CNTNAP2: variants seen among roughly 807,000 people sequenced by gnomAD.
CNTNAP2 encodes contactin associated protein 2.
CNTNAP2 carries 98 observed loss-of-function variants against 155.2 expected under a neutral mutation model. The ratio of observed to expected loss-of-function variants is 0.63; its 90% CI spans 0.54 to 0.75. The LOEUF (loss-of-function observed/expected upper bound fraction) is 0.75, where lower values mean the gene tolerates loss of function less well. Ranked by LOEUF, CNTNAP2 falls within the 30% of genes least tolerant of loss-of-function variation. The probability of loss-of-function intolerance (pLI) is 0.00; values close to 1 mark genes in which losing one functional copy is unlikely to be tolerated. For missense variants in CNTNAP2, 1,727 were observed against 1,688.1 expected, an observed-to-expected ratio of 1.02 and a Z score of -0.40; for synonymous variants, 651 against 631.2, an observed-to-expected ratio of 1.03 and a Z score of -0.47.
intron 1 of CNTNAP2, among the ~76,000 whole-genome samples, chr7:146,659,184 G>A (rs114390578): frequency 0.025 from 3,772 of 152,294 alleles, 117 homozygotes; most frequent in African/African-American, 0.068. Context: ...AGAAAAGGGC[G>A]CAGAGAAGAT....
At chr7:148,096,534 CAG>C (rs745347440) in intron 15 of CNTNAP2, among the ~76,000 whole-genome samples, 2 of 151,744 alleles carry the variant, frequency 1.3e-5, no homozygotes, top group African/African-American at 2.4e-5. Context: ...TTTGAAAAAA[CAG>C]GGGTGAATAT....
intron 1 of CNTNAP2, among the ~76,000 whole-genome samples, chr7:146,662,439 G>GTTTGT (rs1197027109): frequency 7.2e-5 from 11 of 151,990 alleles, no homozygotes; most frequent in Admixed American, 2.0e-4. Context: ...ACCCAGCCCA[G>GTTTGT]TTTGTTTTGT....
chr7:146,293,757 C>A (rs142962227), intron 1 of CNTNAP2, among the ~76,000 whole-genome samples: 1,903 of 151,812 alleles, frequency 0.013, 17 homozygotes, highest in Middle Eastern at 0.034. Flanking sequence ...TCTAAATTAT[C>A]TAATTTGAAA....
At chr7:146,693,614 G>A (rs1034575476) in intron 1 of CNTNAP2, among the ~76,000 whole-genome samples, 1 of 152,034 alleles carries the variant, frequency 6.6e-6, no homozygotes, top group African/African-American at 2.4e-5. Flanking sequence ...CCCTCCCTGG[G>A]TTCTGTTTCC....
intron 1 of CNTNAP2, among the ~76,000 whole-genome samples, chr7:146,217,212 A>G (rs1291233730): frequency 3.9e-5 from 6 of 152,208 alleles, no homozygotes; most frequent in Admixed American, 3.9e-4. Context: ...TTAGTTATAG[A>G]ATAAGAACCT....
At chr7:148,223,227 T>G (rs1795784057) in intron 19 of CNTNAP2, among the ~76,000 whole-genome samples, 1 of 152,162 alleles carries the variant, frequency 6.6e-6, no homozygotes, top group Non-Finnish European at 1.5e-5. Flanking sequence ...CCCACCTCCT[T>G]TTGATGACTT....
chr7:146,664,406 C>T (rs1800150801), intron 1 of CNTNAP2, among the ~76,000 whole-genome samples: 2 of 151,978 alleles, frequency 1.3e-5, no homozygotes, highest in East Asian at 3.9e-4. Context: ...AACAATCTGC[C>T]CATCTCAGCC....
rs1266369366 is a variant in CNTNAP2 at position 147,536,259 on chromosome 7, T to G, written c.1778-25879T>G. 2.0e-5 allele frequency among the ~76,000 whole-genome samples: 3 copies of G among 152,262 alleles called. No individual in the cohort carries two copies. The East Asian group carries it at 5.8e-4, about 29-fold the overall frequency. ...TTCAAATATATTTTCATTCATTTAC[T>G]CATTCAACAAATATTTATTGAGCAT... On this transcript the variant is annotated intron_variant, in intron 11 of 23. Coordinates refer to ENST00000361727, the MANE Select transcript of CNTNAP2 (RefSeq NM_014141.6).
At chr7:146,729,218 C>A (rs1563207217) in intron 1 of CNTNAP2, among the ~76,000 whole-genome samples, 1 of 152,182 alleles carries the variant, frequency 6.6e-6, no homozygotes, top group Admixed American at 6.5e-5. Flanking sequence ...TCACCACCTC[C>A]AGGGAGTAGC....
rs78812713 is a variant in CNTNAP2 at position 148,224,286 on chromosome 7, A to G, written c.3248-5360A>G. Among the ~76,000 whole-genome samples, 41 of 151,210 alleles carry G rather than the reference A, an allele frequency of 2.7e-4. 1 individual carries two copies. The East Asian group carries it at 9.0e-3, about 33-fold the overall frequency. ...AAACAACTGCCTGATCATCTCCGTC[A>G]TTCCCAAACAATGGACTATTTTAAT... On this transcript the variant is annotated intron_variant, in intron 19 of 23. Coordinates refer to ENST00000361727, the MANE Select transcript of CNTNAP2 (RefSeq NM_014141.6).
intron 21 of CNTNAP2, among the ~76,000 whole-genome samples, chr7:148,328,394 C>A (rs1304821662): frequency 6.6e-6 from 1 of 152,152 alleles, no homozygotes; most frequent in African/African-American, 2.4e-5. Context: ...AATCTGGTAT[C>A]AATTGATCAT....
At chr7:147,629,408 A>ATAT (rs1423097879) in intron 12 of CNTNAP2, among the ~76,000 whole-genome samples, 1 of 13,712 alleles carries the variant, frequency 7.3e-5, no homozygotes, top group African/African-American at 1.2e-4. Flanking sequence ...TGTCTCAAAA[A>ATAT]TAATAATAAT....
chr7:148,415,574 C>T lies in CNTNAP2; in HGVS notation c.3954C>T (p.Phe1318=). The T allele has an allele frequency of 6.2e-7, 1 of 1,614,224 alleles. No individual in the cohort carries two copies. The highest frequency in any genetic ancestry group is 1.3e-5 in the African/African-American group (1 of 75,052). The change falls in exon 24 of 24, where the codon TTC becomes TTT. Residue 1318 remains phenylalanine, a synonymous_variant. Transcript: ENST00000361727. ...DAAIMNNDPN[F]TETIDESKKE... is the part of the protein sequence containing the mutation. The stretch of plus-strand genomic sequence containing the variant: ...CCATCATGAACAACGACCCCAACTT[C>T]ACAGAGACCATTGATGAAAGCAAAA...
At chr7:147,269,311 A>G (rs958270733) in intron 8 of CNTNAP2, among the ~76,000 whole-genome samples, 1 of 152,166 alleles carries the variant, frequency 6.6e-6, no homozygotes, top group East Asian at 1.9e-4. Context: ...TCTAATTGCA[A>G]AAAACAAAGA....
intron 1 of CNTNAP2, among the ~76,000 whole-genome samples, chr7:146,564,706 A>G (rs1275174942): frequency 6.6e-6 from 1 of 151,640 alleles, no homozygotes; most frequent in African/African-American, 2.4e-5. Flanking sequence ...TGTCCACAAC[A>G]TAAGGAGTAA....
At chr7:146,917,165 C>T (rs113040370) in intron 3 of CNTNAP2, among the ~76,000 whole-genome samples, 4,977 of 152,096 alleles carry the variant, frequency 0.033, 273 homozygotes, top group African/African-American at 0.11. Context: ...AATTTTATTC[C>T]ACTGTGGTCT....
At chr7:146,762,492 G>T (rs1157366732) in intron 1 of CNTNAP2, among the ~76,000 whole-genome samples, 1 of 152,106 alleles carries the variant, frequency 6.6e-6, no homozygotes, top group African/African-American at 2.4e-5. Flanking sequence ...CCAGCTACTT[G>T]GGAGGCTGAG....
At chr7:147,448,354 A>AT (rs1554485972) in intron 10 of CNTNAP2, among the ~76,000 whole-genome samples, 1 of 151,892 alleles carries the variant, frequency 6.6e-6, no homozygotes, top group Non-Finnish European at 1.5e-5. Flanking sequence ...TGTTAGCAGT[A>AT]TTTTTTCCCC....
rs760122387 is a variant in CNTNAP2, at chr7:147,300,281, T to A, written c.1489T>A (p.Phe497Ile). The A allele has an allele frequency of 6.2e-7, 1 of 1,613,748 alleles. No homozygotes were observed. The highest frequency in any genetic ancestry group is 8.5e-7 in the Non-Finnish European group (1 of 1,179,800). Residue 497 changes from phenylalanine (F) to isoleucine (I), a missense_variant, in exon 9 of 24, where the codon TTT (phenylalanine) becomes ATT (isoleucine). Coordinates refer to ENST00000361727, the MANE Select transcript of CNTNAP2 (RefSeq NM_014141.6). ...TCAAGTTAAAACTGGCGAGAAGTAC[T>A]TTTTTGGAGGTAAGAATGCCATTCC... is the stretch of plus-strand genomic sequence containing the variant. ...PLQVKTGEKY[F>I]FGGFLNQMNN...
Sources: allele counts gnomAD v4.1 joint callset (sites outside exome capture counted in the v4.1 genomes callset), GRCh38; gene constraint gnomAD v4.1.1; transcripts MANE v1.5; gene names NCBI Gene and HGNC (gene_info 2026-07-23, HGNC 2026-07-21).